TRAF3: variants seen among roughly 807,000 people sequenced by gnomAD.
The protein encoded by TRAF3 is TNF receptor associated factor 3.
Under a neutral mutation model 62.3 loss-of-function variants are expected in TRAF3, and 13 were observed. The observed-to-expected ratio is 0.21, with a 90% CI of 0.14 to 0.33. The LOEUF (loss-of-function observed/expected upper bound fraction) is 0.33, where lower values mean the gene tolerates loss of function less well. TRAF3 is among the 10% of genes least tolerant of loss of function. TRAF3 has a pLI of 1.00. For synonymous variants in TRAF3, 269 were observed against 283.4 expected, an observed-to-expected ratio of 0.95 and a Z score of 0.51; for missense variants, 440 against 741.8, an observed-to-expected ratio of 0.59 and a Z score of 4.73.
At chr14:102,835,997 G>T (rs1256352956) in intron 2 of TRAF3, among the ~76,000 whole-genome samples, 2 of 152,208 alleles carry the variant, frequency 1.3e-5, no homozygotes, top group East Asian at 1.9e-4. Flanking sequence ...GGAGTTTGAG[G>T]TTACACTGAG....
chr14:102,835,181 G>A (rs150672404), intron 2 of TRAF3, among the ~76,000 whole-genome samples: 1,928 of 152,262 alleles, frequency 0.013, 40 homozygotes, highest in African/African-American at 0.045. Flanking sequence ...TTAGAGAAAT[G>A]CAAATCAAAA....
chr14:102,874,787 A>G (rs1217815125), intron 4 of TRAF3, among the ~76,000 whole-genome samples: 3 of 151,986 alleles, frequency 2.0e-5, no homozygotes, highest in Non-Finnish European at 4.4e-5. Flanking sequence ...AGTAGCTGAG[A>G]CTGCAGGCGC....
chr14:102,875,819 T>G (rs1199599626), intron 5 of TRAF3, 91 bp downstream of exon 5: 8 of 1,095,012 alleles, frequency 7.3e-6, no homozygotes, highest in Non-Finnish European at 8.4e-6. Context: ...GATGTGGCAC[T>G]TTAAGACCAT....
chr14:102,809,963 T>C (rs543668687), intron 1 of TRAF3, among the ~76,000 whole-genome samples: 1 of 152,320 alleles, frequency 6.6e-6, no homozygotes, highest in South Asian at 2.1e-4. Flanking sequence ...ACCAAAAACG[T>C]TGGAGCACGG....
intron 1 of TRAF3, among the ~76,000 whole-genome samples, chr14:102,795,431 A>G (rs2139430666): frequency 6.6e-6 from 1 of 152,310 alleles, no homozygotes; most frequent in Non-Finnish European, 1.5e-5. Flanking sequence ...CTGGAAAGCC[A>G]CCTAATCCTG....
At chr14:102,900,697 C>T (rs1890252700) in intron 10 of TRAF3, among the ~76,000 whole-genome samples, 2 of 152,180 alleles carry the variant, frequency 1.3e-5, no homozygotes, top group Non-Finnish European at 2.9e-5. Context: ...CTCACAGCGC[C>T]GGGCTTGTGT....
intron 9 of TRAF3, among the ~76,000 whole-genome samples, chr14:102,892,567 A>G (rs191161866): frequency 2.6e-5 from 4 of 152,332 alleles, no homozygotes; most frequent in African/African-American, 9.6e-5. Context: ...AAAAATATAA[A>G]CTTAATTCAA....
intron 1 of TRAF3, among the ~76,000 whole-genome samples, chr14:102,789,874 C>T (rs1897706858): frequency 6.6e-6 from 1 of 151,044 alleles, no homozygotes; most frequent in Admixed American, 6.6e-5. Context: ...GGCTGGAGTG[C>T]AGTGGTGCAG....
intron 3 of TRAF3, among the ~76,000 whole-genome samples, chr14:102,870,868 G>A (rs1452775062): frequency 2.6e-5 from 4 of 152,212 alleles, no homozygotes; most frequent in Non-Finnish European, 4.4e-5. Flanking sequence ...GTCCCTACCC[G>A]AGCAGAAACC....
At chr14:102,798,110 A>G (rs1016916495) in intron 1 of TRAF3, among the ~76,000 whole-genome samples, 2 of 152,206 alleles carry the variant, frequency 1.3e-5, no homozygotes, top group African/African-American at 4.8e-5. Context: ...TTCAGCATGT[A>G]TTAACTACTG....
intron 1 of TRAF3, among the ~76,000 whole-genome samples, chr14:102,828,549 C>T (rs528762505): frequency 6.6e-5 from 10 of 152,186 alleles, no homozygotes; most frequent in South Asian, 2.1e-4. Context: ...AGTTTGTGCA[C>T]GATAATTTTG....
At chr14:102,779,695 A>G (rs1218725709) in intron 1 of TRAF3, among the ~76,000 whole-genome samples, 1 of 152,186 alleles carries the variant, frequency 6.6e-6, no homozygotes, top group Non-Finnish European at 1.5e-5. Flanking sequence ...ATCCTTTTTT[A>G]TGATGTTAAA....
chr14:102,864,695 G>A (rs1887880242), intron 2 of TRAF3, among the ~76,000 whole-genome samples: 1 of 152,148 alleles, frequency 6.6e-6, no homozygotes, highest in African/African-American at 2.4e-5. Context: ...AGTATTTGTT[G>A]GGTTGAGGGC....
At chr14:102,785,652 C>T (rs1327468515) in intron 1 of TRAF3, among the ~76,000 whole-genome samples, 1 of 152,194 alleles carries the variant, frequency 6.6e-6, no homozygotes, top group African/African-American at 2.4e-5. Context: ...GAAGCCCTTA[C>T]CACTGTTAGC....
At chr14:102,781,843 A>T (rs1405842751) in intron 1 of TRAF3, among the ~76,000 whole-genome samples, 2 of 150,028 alleles carry the variant, frequency 1.3e-5, no homozygotes, top group Non-Finnish European at 3.0e-5. Flanking sequence ...CCCAGACTGA[A>T]GTGCAGTGGC....
chr14:102,852,047 G>A (rs1304170999), intron 2 of TRAF3, among the ~76,000 whole-genome samples: 2 of 151,054 alleles, frequency 1.3e-5, no homozygotes, highest in African/African-American at 2.4e-5. Flanking sequence ...GGCAAGAAAA[G>A]AAAGAAAATA....
At chr14:102,852,872 T>A (rs1887129336) in intron 2 of TRAF3, among the ~76,000 whole-genome samples, 1 of 151,786 alleles carries the variant, frequency 6.6e-6, no homozygotes, top group Non-Finnish European at 1.5e-5. Flanking sequence ...AGGCTAATTT[T>A]TATTTTATTT....
At chr14:102,885,688 A>G (rs1057320042) in intron 6 of TRAF3, among the ~76,000 whole-genome samples, 1 of 152,248 alleles carries the variant, frequency 6.6e-6, no homozygotes, top group African/African-American at 2.4e-5. Flanking sequence ...TCAGTAGGTT[A>G]TGCTGCTCTG....
intron 2 of TRAF3, among the ~76,000 whole-genome samples, chr14:102,835,637 G>A (rs1444123155): frequency 2.0e-5 from 3 of 152,170 alleles, no homozygotes; most frequent in Non-Finnish European, 4.4e-5. Context: ...ATTATCCTCA[G>A]CAAACGAATG....
Sources: allele counts gnomAD v4.1 joint callset (sites outside exome capture counted in the v4.1 genomes callset), GRCh38; gene constraint gnomAD v4.1.1; transcripts MANE v1.5; gene names NCBI Gene and HGNC (gene_info 2026-07-23, HGNC 2026-07-21).